The following TAT variants were observed in gnomAD, a reference collection of about 807,000 sequenced individuals.
TAT encodes the protein L-tyrosine:2-oxoglutarate aminotransferase.
TAT carries 35 observed loss-of-function variants against 53.6 expected under a neutral mutation model. The observed-to-expected ratio is 0.65, with a 90% CI of 0.50 to 0.87. TAT has a LOEUF of 0.87. Among genes scored for constraint, TAT ranks in the 40% least tolerant of loss-of-function variants. The pLI is 0.00. For missense variants in TAT, 525 were observed against 571.8 expected (o/e 0.92, Z 0.83); for synonymous variants, 197 against 206.5 (o/e 0.95, Z 0.39).
At chr16:71,570,030 A>G (rs1260883861) in intron 9 of TAT, 93 bp from the exon 10 acceptor site, 1 of 1,349,688 alleles carries the variant, frequency 7.4e-7, no homozygotes, top group East Asian at 2.5e-5. Flanking sequence ...AAGAGTGGGA[A>G]CGTAGGTGTG....
chr16:71,576,569 T>C (rs1366242899), intron 1 of TAT, 142 bp from the exon 2 acceptor site: 3 of 760,574 alleles, frequency 3.9e-6, no homozygotes, highest in African/African-American at 1.7e-5. Flanking sequence ...TACTTTCTGT[T>C]GTAAAGTAGC....
At chr16:71,571,515 C>A in intron 7 of TAT, 91 bp downstream of exon 7, 1 of 1,187,670 alleles carries the variant, frequency 8.4e-7, no homozygotes, top group South Asian at 1.2e-5. Context: ...TGTAATGAAA[C>A]GATTAGGAGT....
Position 71,566,264 on chromosome 16 carries a change from T to A in TAT, c.*1880A>T, listed in dbSNP as rs536078160. ...AGGGAACATATGCTGTTTATTTTTG[T>A]GAAGGACATTAATTGGGTGTGACTG... On this transcript the variant is annotated 3_prime_UTR_variant, in exon 12 of 12. Coordinates refer to ENST00000355962, the MANE Select transcript of TAT (RefSeq NM_000353.3). The A allele has an allele frequency of 9.9e-5, 15 of 152,146 alleles. No homozygotes were observed. The highest frequency in any genetic ancestry group is 2.2e-4 in the Non-Finnish European group (15 of 68,024). 9.4% of individuals were successfully genotyped at this position (152,146 alleles called of 1,614,324 possible).
chr16:71,573,745 C>T (rs2044218942), intron 3 of TAT, 139 bp from the exon 4 acceptor site: 4 of 742,456 alleles, frequency 5.4e-6, no homozygotes, highest in African/African-American at 1.7e-5. Context: ...ATCCTCCCAC[C>T]TTAGCCTCCT....
rs371020165 is a variant in TAT, at chr16:71,569,337, C to A, written c.1125+517G>T. ...GATTCTCTGTACTGAAAAATTAAATCTTTTTTTTTTTTCTTTTCGGATGGG... is the reference window on the plus strand; with the variant it reads ...GATTCTCTGTACTGAAAAATTAAATATTTTTTTTTTTTCTTTTCGGATGGG... On this transcript the variant is annotated intron_variant, in intron 10 of 11. Transcript: ENST00000355962. 3.1e-4 allele frequency among the ~76,000 whole-genome samples: 46 copies of A among 147,930 alleles called. 1 individual carries two copies. The East Asian group carries it at 7.1e-3, about 23-fold the overall frequency.
rs2044174222 is a variant in TAT at position 71,567,791 on chromosome 16, T to C, written c.*353A>G. ...TGGGGGCACAAATTCTCTCAATCTT[T>C]TTCTTTTCCCTCATCCTGAGCTCTT... On this transcript the variant is annotated 3_prime_UTR_variant, in exon 12 of 12. Transcript: ENST00000355962. 4 of 328,526 alleles carry C rather than the reference T, an allele frequency of 1.2e-5. No homozygotes were observed. The highest frequency in any genetic ancestry group is 2.1e-5 in the African/African-American group (1 of 46,704). The allele number at this position is 328,526 out of a possible 1,614,324, so 20.4% of individuals were successfully genotyped here. A position where few individuals can be genotyped will look rare whatever the true frequency, so the allele number is the denominator to read the frequency against.
chr16:71,570,064 A>C, intron 9 of TAT, 127 bp from the exon 10 acceptor site: 1 of 1,314,966 alleles, frequency 7.6e-7, no homozygotes, highest in South Asian at 1.3e-5. Context: ...AGGAGTGAAA[A>C]AGAAAAAGCT....
intron 3 of TAT, 101 bp downstream of exon 3, chr16:71,575,821 G>C: frequency 8.3e-7 from 1 of 1,200,696 alleles, no homozygotes; most frequent in Non-Finnish European, 1.2e-6. Flanking sequence ...CTTAGGAATT[G>C]TGCATCAGGA....
At chr16:71,572,146 C>T in intron 6 of TAT, 40 bp downstream of exon 6, 1 of 1,613,862 alleles carries the variant, frequency 6.2e-7, no homozygotes, top group African/African-American at 1.3e-5. Context: ...CTGAAGGATT[C>T]TGTCCCCACC....
At chr16:71,570,019 G>A in intron 9 of TAT, 82 bp from the exon 10 acceptor site, 1 of 1,383,298 alleles carries the variant, frequency 7.2e-7, no homozygotes, top group Non-Finnish European at 1.0e-6. Flanking sequence ...CCCCCTCATT[G>A]AAGAGTGGGA....
intron 8 of TAT, 67 bp from the exon 9 acceptor site, chr16:71,570,464 G>T: frequency 6.2e-7 from 1 of 1,613,306 alleles, no homozygotes; most frequent in East Asian, 2.2e-5. Context: ...AGAGTTTCTT[G>T]TTCTGACCTT....
intron 11 of TAT, 74 bp from the exon 12 acceptor site, chr16:71,568,358 C>G (rs1313241218): frequency 6.7e-7 from 1 of 1,487,102 alleles, no homozygotes; most frequent in Non-Finnish European, 9.3e-7. Context: ...GGTCAGGACC[C>G]TGATCCACAA....
chr16:71,576,343 C>T lies in TAT; in HGVS notation c.73G>A (p.Gly25Ser), dbSNP rs778542238. ...PSILDVHVNV[G>S]GRSSVPGKMK... ...TTTCCCGGCACAGAGCTTCTCCCAC[C>T]AACGTTGACATGCACGTCCAGAATT... Residue 25 changes from glycine to serine, a missense_variant, in exon 2 of 12, where the codon GGT (glycine) becomes AGT (serine). Transcript: ENST00000355962. The T allele has an allele frequency of 1.1e-5, 18 of 1,614,058 alleles. No homozygotes were observed. The highest frequency in any genetic ancestry group is 1.7e-5 in the Admixed American group (1 of 60,000).
chr16:71,570,479 T>C (rs2044194410), intron 8 of TAT, 82 bp from the exon 9 acceptor site: 2 of 1,611,568 alleles, frequency 1.2e-6, no homozygotes, highest in Non-Finnish European at 1.7e-6. Context: ...GACCTTTCTA[T>C]CAGGTTTTTA....
At position 71,566,185 on chromosome 16, in the gene TAT, C is replaced by T; in HGVS notation, c.*1959G>A. On this transcript the variant is annotated 3_prime_UTR_variant, in exon 12 of 12. Coordinates refer to ENST00000355962, the MANE Select transcript of TAT (RefSeq NM_000353.3). ...CCTTTGTATATTCGTCTTGGATTTG[C>T]TGAAGAAAATTAAAAGGTAAATTTT... The T allele has an allele frequency of 6.6e-6, 1 of 152,042 alleles. No homozygotes were observed. The highest frequency in any genetic ancestry group is 2.1e-4 in the South Asian group (1 of 4,822). The allele number at this position is 152,042 out of a possible 1,614,324, so 9.4% of individuals were successfully genotyped here.
At position 71,576,200 on chromosome 16, in the gene TAT, G is replaced by T. The variant is rs759619191; in HGVS notation, c.216C>A (p.Thr72=). The T allele has an allele frequency of 3.1e-6, 5 of 1,614,118 alleles. No individual in the cohort carries two copies. Among genetic ancestry groups the T allele is most frequent in the Non-Finnish European group, 4.2e-6 (5 of 1,179,986 alleles). Reference sequence around the variant, plus strand: ...ACTCACCAATGGACAGGGAAATCATGGTTTTGTTTGGATTTGGTTTCACCT... The same window carrying T: ...ACTCACCAATGGACAGGGAAATCATTGTTTTGTTTGGATTTGGTTTCACCT... ...NMKVKPNPNK[T]MISLSIGDPT... The change falls in exon 2 of 12, where the codon ACC becomes ACA. Residue 72 remains threonine, a synonymous_variant. Coordinates refer to ENST00000355962, the MANE Select transcript of TAT (RefSeq NM_000353.3).
Position 71,567,750 on chromosome 16 carries a change from AG to A in TAT, c.*393del. 13 of 310,364 alleles carry A rather than the reference AG, an allele frequency of 4.2e-5. No individual in the cohort carries two copies. The highest frequency in any genetic ancestry group is 1.7e-4 in the East Asian group (2 of 11,978). 19.2% of individuals were successfully genotyped at this position (310,364 alleles called of 1,614,324 possible). On this transcript the variant is annotated 3_prime_UTR_variant, in exon 12 of 12. Transcript: ENST00000355962. The stretch of plus-strand genomic sequence containing the variant: ...CTGGAGAGAGCGTGTTCTTTCTTAG[AG>A]TCTGAGGAAATGGTTGGGGGCACAA...
chr16:71,572,030 C>T, intron 6 of TAT, 156 bp downstream of exon 6: 1 of 918,334 alleles, frequency 1.1e-6, no homozygotes, highest in Non-Finnish European at 1.7e-6. Flanking sequence ...GCCAGGCCTA[C>T]CACTCCTATG....
chr16:71,569,430 AG>A (rs2044185400), intron 10 of TAT, among the ~76,000 whole-genome samples: 1 of 152,108 alleles, frequency 6.6e-6, no homozygotes, highest in Non-Finnish European at 1.5e-5. Context: ...TCAACCTCCA[AG>A]GCTCAAGTCA....
Sources: allele counts gnomAD v4.1 joint callset (sites outside exome capture counted in the v4.1 genomes callset), GRCh38; gene constraint gnomAD v4.1.1; transcripts MANE v1.5; gene names NCBI Gene and HGNC (gene_info 2026-07-23, HGNC 2026-07-21).